The following PC variants were observed in gnomAD, a reference collection of about 807,000 sequenced individuals.
PC encodes pyruvate carboxylase, mitochondrial.
Under a neutral mutation model 107.8 loss-of-function variants are expected in PC, and 46 were observed. The ratio of observed to expected loss-of-function variants is 0.43; its 90% confidence interval spans 0.34 to 0.55. The LOEUF (loss-of-function observed/expected upper bound fraction) is 0.55. PC is among the 20% of genes least tolerant of loss of function. PC has a pLI of 0.04. For synonymous variants in PC, 662 were observed against 684.7 expected (o/e 0.97, Z 0.52); for missense variants, 1,241 against 1,643.1 (o/e 0.76, Z 4.23).
chr11:66,921,507 A>G (rs1948595621), intron 3 of PC, among the ~76,000 whole-genome samples: 1 of 152,178 alleles, frequency 6.6e-6, no homozygotes, highest in East Asian at 1.9e-4. Context: ...GAAATGACAA[A>G]GCAAAAACCT....
At chr11:66,928,589 G>A (rs910148666) in intron 3 of PC, among the ~76,000 whole-genome samples, 2 of 151,948 alleles carry the variant, frequency 1.3e-5, no homozygotes, top group South Asian at 2.1e-4. Flanking sequence ...GCAATGGAGC[G>A]ATCTCAGCTC....
intron 3 of PC, among the ~76,000 whole-genome samples, chr11:66,937,944 T>C (rs1949040293): frequency 6.6e-6 from 1 of 152,018 alleles, no homozygotes; most frequent in Non-Finnish European, 1.5e-5. Context: ...ACTCAGCTAA[T>C]TTTTTGTATT....
chr11:66,914,005 A>C (rs528576946), intron 3 of PC, among the ~76,000 whole-genome samples: 2 of 152,296 alleles, frequency 1.3e-5, no homozygotes, highest in African/African-American at 4.8e-5. Flanking sequence ...TGTTGCCCTC[A>C]AAAAAGAAAT....
At position 66,908,401 on chromosome 11, in the gene PC, T is replaced by G. The variant is rs541991935; in HGVS notation, c.1-36242A>C. ...AGGGCACATGTTACCTGGTGATTAG[T>G]GTGAGCTGGTGACCCAGTACGATTT... On this transcript the variant is annotated intron_variant, in intron 3 of 22. Coordinates refer to ENST00000393960, the MANE Select transcript of PC (RefSeq NM_001040716.2). Among the ~76,000 whole-genome samples the G allele has an allele frequency of 1.6e-3, 237 of 152,242 alleles. 1 individual carries two copies. Among genetic ancestry groups the G allele is most frequent in the Non-Finnish European group, 2.9e-3 (194 of 68,010 alleles).
At position 66,848,567 on chromosome 11, in the gene PC, T is replaced by C. The variant is rs1945286070; in HGVS notation, c.*332A>G. ...TTTATTGAGTAAACTTCCCAGGACC[T>C]GGGACATCTTAGATCTCCCCTTCCC... is the stretch of plus-strand genomic sequence containing the variant. On this transcript the variant is annotated 3_prime_UTR_variant, in exon 23 of 23. Coordinates refer to ENST00000393960, the MANE Select transcript of PC (RefSeq NM_001040716.2). The C allele has an allele frequency of 3.3e-6, 2 of 597,536 alleles. No homozygotes were observed. The highest frequency in any genetic ancestry group is 3.0e-6 in the Non-Finnish European group (1 of 335,536). The allele number at this position is 597,536 out of a possible 1,614,324, so 37.0% of individuals were successfully genotyped here. A position where few individuals can be genotyped will look rare whatever the true frequency, so the allele number is the denominator to read the frequency against.
At chr11:66,854,096 C>T (rs1457113898) in intron 12 of PC, among the ~76,000 whole-genome samples, 2 of 152,270 alleles carry the variant, frequency 1.3e-5, no homozygotes, top group Non-Finnish European at 2.9e-5. Context: ...AAACCTGCAT[C>T]CCATCACCCT....
chr11:66,890,501 CTT>C (rs542659083), intron 3 of PC, among the ~76,000 whole-genome samples: 44 of 128,820 alleles, frequency 3.4e-4, no homozygotes, highest in Middle Eastern at 3.9e-3. Flanking sequence ...GCAGTTTCAT[CTT>C]TTTTTTTTTT....
At chr11:66,864,813 G>A (rs973244646) in intron 11 of PC, among the ~76,000 whole-genome samples, 2 of 152,206 alleles carry the variant, frequency 1.3e-5, no homozygotes, top group African/African-American at 2.4e-5. Flanking sequence ...AGTGAGCCCC[G>A]CAGAGAAGGG....
chr11:66,892,390 T>C (rs762833094), intron 3 of PC, among the ~76,000 whole-genome samples: 1 of 152,110 alleles, frequency 6.6e-6, no homozygotes, highest in Non-Finnish European at 1.5e-5. Context: ...AGCACAGGCA[T>C]CACGTTCCAG....
chr11:66,859,549 G>A, intron 12 of PC: 2 of 1,572,652 alleles, frequency 1.3e-6, no homozygotes, highest in East Asian at 2.2e-5. Flanking sequence ...AGGGGGAGGG[G>A]TGTTTGGAGC....
rs368593906 is a variant in PC at position 66,931,824 on chromosome 11, T to C, written c.-1+20606A>G. On this transcript the variant is annotated intron_variant, in intron 3 of 22. Transcript: ENST00000393960. ...CAAGATCAGGAGATAGAGACCATCC[T>C]GGCTAACACGGTGAAACCCCATCTC... Among the ~76,000 whole-genome samples, 5 of 152,044 alleles carry C rather than the reference T, an allele frequency of 3.3e-5. No individual in the cohort carries two copies. In the South Asian group the frequency reaches 1.0e-3, roughly 31 times the overall value.
At chr11:66,911,256 T>C (rs1948326645) in intron 3 of PC, among the ~76,000 whole-genome samples, 1 of 152,162 alleles carries the variant, frequency 6.6e-6, no homozygotes, top group Non-Finnish European at 1.5e-5. Context: ...GGATGGCAAC[T>C]GGAAGGAGCT....
intron 3 of PC, among the ~76,000 whole-genome samples, chr11:66,904,624 C>T (rs540435344): frequency 2.0e-5 from 3 of 152,292 alleles, no homozygotes; most frequent in South Asian, 4.1e-4. Context: ...GGTGACAGAG[C>T]GAGACCCTGT....
At position 66,852,298 on chromosome 11, in the gene PC, G is replaced by A; in HGVS notation, c.1825+141C>T. The A allele has an allele frequency of 1.3e-6, 1 of 785,670 alleles. No individual in the cohort carries two copies. Among genetic ancestry groups the A allele is most frequent in the Non-Finnish European group, 2.1e-6 (1 of 467,304 alleles). The allele number at this position is 785,670 out of a possible 1,614,324, so 48.7% of individuals were successfully genotyped here. On this transcript the variant is annotated intron_variant, in intron 15 of 22. Transcript: ENST00000393960. This position sits in a 1 kb window ranked among gnomAD's most constrained non-coding sequence, Gnocchi z 4.7. Reference sequence around the variant, plus strand: ...CCGGCACCAGGCCTGGCCGGAGAGGGCGCTGTGCCTTCTTCGGTCCTTCCT... The same window carrying A: ...CCGGCACCAGGCCTGGCCGGAGAGGACGCTGTGCCTTCTTCGGTCCTTCCT...
At chr11:66,949,521 C>G (rs1042674572) in intron 3 of PC, among the ~76,000 whole-genome samples, 5 of 151,646 alleles carry the variant, frequency 3.3e-5, no homozygotes, top group African/African-American at 9.7e-5. Flanking sequence ...ATGAAGAAAC[C>G]CCGCCTCTAC....
At chr11:66,934,380 T>C (rs192874233) in intron 3 of PC, 2 of 153,440 alleles carry the variant, frequency 1.3e-5, no homozygotes, top group East Asian at 3.9e-4. Context: ...TGTTATTTCA[T>C]TTGTACAAAA....
At chr11:66,902,914 C>T (rs535773720) in intron 3 of PC, among the ~76,000 whole-genome samples, 2 of 152,316 alleles carry the variant, frequency 1.3e-5, no homozygotes, top group East Asian at 3.9e-4. Context: ...AATGCACACC[C>T]CAGGGATGGG....
chr11:66,852,082 G>T lies in PC; in HGVS notation c.1826-136C>A. On this transcript the variant is annotated intron_variant, in intron 15 of 22. Coordinates refer to ENST00000393960, the MANE Select transcript of PC (RefSeq NM_001040716.2). The surrounding 1 kb of genome is among the most constrained non-coding windows in gnomAD (Gnocchi z 4.7). Reference sequence around the variant, plus strand: ...CATCTTCGCCATACCTGTGTTCCCTGCTCCAACCCCCACAGATTTTTCCCT... The same window carrying T: ...CATCTTCGCCATACCTGTGTTCCCTTCTCCAACCCCCACAGATTTTTCCCT... The T allele has an allele frequency of 1.1e-6, 1 of 889,876 alleles. No individual in the cohort carries two copies. The highest frequency in any genetic ancestry group is 1.5e-5 in the South Asian group (1 of 67,036). The allele number at this position is 889,876 out of a possible 1,614,324, so 55.1% of individuals were successfully genotyped here. A position where few individuals can be genotyped will look rare whatever the true frequency, so the allele number is the denominator to read the frequency against.
At chr11:66,954,176 G>A (rs533277940) in intron 2 of PC, 73 bp downstream of exon 2, 1 of 152,142 alleles carries the variant, frequency 6.6e-6, no homozygotes. Flanking sequence ...AAGAGCAGAG[G>A]GGGGACCGTG....
Sources: gnomAD v4.1 joint callset for allele counts (sites outside exome capture counted in the v4.1 genomes callset) on GRCh38, gnomAD v4.1.1 for gene constraint, Gnocchi (gnomAD v3.1) non-coding constraint, MANE v1.5 for transcripts, NCBI Gene and HGNC (gene_info 2026-07-23, HGNC 2026-07-21) for gene names.